The following NELL1 variants were observed in gnomAD, a reference collection of about 807,000 sequenced individuals.
NELL1 encodes the protein neural EGFL like 1.
In NELL1, 76 loss-of-function variants were observed where a neutral mutation model predicts 107.4. The ratio of observed to expected loss-of-function variants is 0.71; its 90% CI spans 0.59 to 0.86. NELL1 has a LOEUF of 0.86. Ranked by LOEUF, NELL1 falls within the 40% of genes least tolerant of loss-of-function variation. NELL1 has a pLI of 0.00. For missense variants in NELL1, 1,024 were observed against 1,005.5 expected (o/e 1.02, Z -0.25); for synonymous variants, 353 against 341.2 (o/e 1.03, Z -0.38).
intron 2 of NELL1, among the ~76,000 whole-genome samples, chr11:20,767,423 A>G (rs1856554563): frequency 6.6e-6 from 1 of 152,088 alleles, no homozygotes; most frequent in African/African-American, 2.4e-5. Context: ...TGTGTTTACA[A>G]TCCTTTAGCT....
intron 14 of NELL1, among the ~76,000 whole-genome samples, chr11:21,323,369 A>G (rs1392361490): frequency 6.6e-6 from 1 of 152,182 alleles, no homozygotes; most frequent in Non-Finnish European, 1.5e-5. Flanking sequence ...GGAAGCTAAT[A>G]ATAAGGACAG....
intron 2 of NELL1, among the ~76,000 whole-genome samples, chr11:20,763,346 G>A (rs1055206760): frequency 6.6e-6 from 1 of 152,118 alleles, no homozygotes; most frequent in African/African-American, 2.4e-5. Context: ...GAAAGTGAGA[G>A]CGACATTTTC....
rs750031154 is a variant in NELL1 at position 20,975,920 on chromosome 11, CACATATATGTACATATATGTGT to C, written c.1300+15375_1300+15396del. 3.7e-4 allele frequency among the ~76,000 whole-genome samples: 40 copies of C among 108,452 alleles called. 1 individual carries two copies. Among genetic ancestry groups the C allele is most frequent in the Admixed American group, 1.7e-3 (19 of 11,192 alleles). The allele number at this position is 108,452 out of a possible 152,430, so 71.1% of individuals were successfully genotyped here. A position where few individuals can be genotyped will look rare whatever the true frequency, so the allele number is the denominator to read the frequency against. The stretch of plus-strand genomic sequence containing the variant: ...TACATATATGTGTATTATATAAACA[CACATATATGTACATATATGTGT>C]ACATATATGTACATTATATATACAT... On this transcript the variant is annotated intron_variant, in intron 12 of 19. Coordinates refer to ENST00000357134, the MANE Select transcript of NELL1 (RefSeq NM_006157.5).
intron 15 of NELL1, among the ~76,000 whole-genome samples, chr11:21,432,061 G>A (rs1852981115): frequency 6.6e-6 from 1 of 152,090 alleles, no homozygotes. Context: ...ACAGTGTATA[G>A]CATATAGCAA....
chr11:21,403,418 A>G (rs1027880272), intron 15 of NELL1, among the ~76,000 whole-genome samples: 29 of 151,732 alleles, frequency 1.9e-4, no homozygotes. Context: ...ACATTATTGA[A>G]AAGTCCTGGA....
intron 9 of NELL1, among the ~76,000 whole-genome samples, chr11:20,937,307 G>A (rs1850746827): frequency 1.3e-5 from 2 of 152,144 alleles, no homozygotes; most frequent in Admixed American, 6.5e-5. Context: ...TGTCTCACAT[G>A]TGTATTTCTC....
rs1042645357 is a variant in NELL1 at position 20,862,642 on chromosome 11, G to A, written c.506+14889G>A. Among the ~76,000 whole-genome samples the A allele has an allele frequency of 8.8e-5, 8 of 90,686 alleles. No individual in the cohort carries two copies. In the Admixed American group the frequency reaches 1.1e-3, roughly 12 times the overall value. 59.5% of individuals were successfully genotyped at this position (90,686 alleles called of 152,430 possible). On this transcript the variant is annotated intron_variant, in intron 4 of 19. Transcript: ENST00000357134. ...TTTTTTTTTTTTATTGATCATTCTT[G>A]GGTGTTTCTCGCAGAGGATTTGGCA...
chr11:21,530,985 A>G lies in NELL1; in HGVS notation c.1646-3389A>G, dbSNP rs189343763. On this transcript the variant is annotated intron_variant, in intron 15 of 19. Transcript: ENST00000357134. ...GGTATCCCTAGCAAGGTAAACCTGC[A>G]TAAAATGTTGTCTGTTTTCTTGGAA... Among the ~76,000 whole-genome samples, 481 of 152,258 alleles carry G rather than the reference A, an allele frequency of 3.2e-3. 2 individuals carry two copies. The highest frequency in any genetic ancestry group is 0.01 in the African/African-American group (433 of 41,568).
intron 16 of NELL1, among the ~76,000 whole-genome samples, chr11:21,541,338 A>G (rs1430149458): frequency 6.6e-6 from 1 of 152,126 alleles, no homozygotes; most frequent in East Asian, 1.9e-4. Flanking sequence ...GTGAGGATTT[A>G]CTTCTCAGAG....
At chr11:21,363,078 C>T (rs1205972399) in intron 14 of NELL1, among the ~76,000 whole-genome samples, 1 of 152,194 alleles carries the variant, frequency 6.6e-6, no homozygotes, top group African/African-American at 2.4e-5. Flanking sequence ...AAGCTCCTAT[C>T]TACAGATGCT....
chr11:20,756,651 A>G (rs979350985), intron 2 of NELL1, among the ~76,000 whole-genome samples: 31 of 140,414 alleles, frequency 2.2e-4, no homozygotes, highest in Admixed American at 5.9e-4. Flanking sequence ...GTGAGCCACC[A>G]CACCAGGCCA....
At chr11:20,995,615 T>C (rs1852074185) in intron 12 of NELL1, among the ~76,000 whole-genome samples, 1 of 152,104 alleles carries the variant, frequency 6.6e-6, no homozygotes, top group Admixed American at 6.6e-5. Context: ...TTCACATTTC[T>C]ACATCCCAGA....
chr11:21,294,787 T>G (rs1014781123), intron 14 of NELL1, among the ~76,000 whole-genome samples: 4 of 152,002 alleles, frequency 2.6e-5, no homozygotes, highest in Admixed American at 6.6e-5. Context: ...GTTTGTACAT[T>G]GTGAATTTTC....
chr11:21,302,389 G>A (rs1849511611), intron 14 of NELL1, among the ~76,000 whole-genome samples: 1 of 151,990 alleles, frequency 6.6e-6, no homozygotes, highest in Non-Finnish European at 1.5e-5. Flanking sequence ...ATTCTGACAA[G>A]GAAGCTTCCA....
rs377703422 is a variant in NELL1 at position 20,897,679 on chromosome 11, G to C, written c.603+12139G>C. Among the ~76,000 whole-genome samples, 63 of 152,142 alleles carry C rather than the reference G, an allele frequency of 4.1e-4. 2 individuals are homozygous for C. The East Asian group carries it at 0.011, about 27-fold the overall frequency. ...TTGCAATCTACTCATCTGACAAAGG[G>C]CTAATATCCAGAATCTACAATGAAC... On this transcript the variant is annotated intron_variant, in intron 5 of 19. Transcript: ENST00000357134.
At chr11:20,933,141 A>G (rs1176757185) in intron 9 of NELL1, among the ~76,000 whole-genome samples, 2 of 152,214 alleles carry the variant, frequency 1.3e-5, no homozygotes, top group African/African-American at 4.8e-5. Context: ...TACTGCATCA[A>G]GAGAGCTGGA....
At chr11:20,716,552 CATGTACGTGTGT>C (rs1338242600) in intron 2 of NELL1, among the ~76,000 whole-genome samples, 3 of 152,172 alleles carry the variant, frequency 2.0e-5, no homozygotes, top group Non-Finnish European at 4.4e-5. Flanking sequence ...GATCCATGTC[CATGTACGTGTGT>C]ATGTATGTGT....
intron 2 of NELL1, among the ~76,000 whole-genome samples, chr11:20,773,794 G>A (rs1856687913): frequency 2.0e-5 from 3 of 151,888 alleles, no homozygotes; most frequent in South Asian, 2.1e-4. Flanking sequence ...CACCACGCCC[G>A]GCTTGAAACT....
At chr11:20,757,368 C>T (rs949512414) in intron 2 of NELL1, among the ~76,000 whole-genome samples, 20 of 152,128 alleles carry the variant, frequency 1.3e-4, no homozygotes, top group African/African-American at 4.3e-4. Flanking sequence ...ACTATAATCC[C>T]CCACCTTGGG....
Sources: gnomAD v4.1 joint callset for allele counts (sites outside exome capture counted in the v4.1 genomes callset) on GRCh38, gnomAD v4.1.1 for gene constraint, MANE v1.5 for transcripts, NCBI Gene and HGNC (gene_info 2026-07-23, HGNC 2026-07-21) for gene names.